MGA: variants seen among roughly 807,000 people sequenced by gnomAD.
The protein encoded by MGA is MAX dimerization protein MGA, also known as MAX gene-associated protein.
A neutral mutation model predicts 261.1 loss-of-function variants in MGA; 40 were observed. The observed-to-expected ratio is 0.15, with a 90% CI of 0.12 to 0.20. The LOEUF is 0.20. Ranked by LOEUF, MGA falls within the 10% of genes least tolerant of loss-of-function variation. The pLI is 1.00. For synonymous variants in MGA, 1,302 were observed against 1,290.6 expected, an observed-to-expected ratio of 1.01 and a Z score of -0.19; for missense variants, 3,397 against 3,630.5, an observed-to-expected ratio of 0.94 and a Z score of 1.65.
chr15:41,667,543 C>T (rs867732473), intron 1 of MGA, among the ~76,000 whole-genome samples: 3 of 151,990 alleles, frequency 2.0e-5, no homozygotes, highest in African/African-American at 2.4e-5. Context: ...ACTGCTCCCC[C>T]GCCGCTATTA....
chr15:41,657,204 G>T (rs1332883783), upstream of MGA, among the ~76,000 whole-genome samples: 1 of 152,044 alleles, frequency 6.6e-6, no homozygotes, highest in Non-Finnish European at 1.5e-5. Context: ...AGATATTGGT[G>T]GCAATCATAC....
intron 18 of MGA, among the ~76,000 whole-genome samples, chr15:41,755,531 A>T (rs1443131337): frequency 6.6e-6 from 1 of 152,254 alleles, no homozygotes; most frequent in Non-Finnish European, 1.5e-5. Flanking sequence ...TATTTGCAAT[A>T]GTAACAGGAA....
At chr15:41,680,091 A>G (rs1177478892) in intron 2 of MGA, among the ~76,000 whole-genome samples, 1 of 152,152 alleles carries the variant, frequency 6.6e-6, no homozygotes, top group Non-Finnish European at 1.5e-5. Flanking sequence ...CCCAAATCAC[A>G]TTGTTTTAAT....
intron 17 of MGA, 114 bp downstream of exon 17, chr15:41,750,729 G>A: frequency 1.0e-6 from 1 of 977,222 alleles, no homozygotes; most frequent in East Asian, 2.6e-5. Flanking sequence ...GGATGCCTAG[G>A]TTTAAGATTA....
Position 41,766,005 on chromosome 15 carries a change from A to C in MGA, c.7923A>C (p.Glu2641Asp), listed in dbSNP as rs770611287. 1 of 1,595,792 alleles carries C rather than the reference A, an allele frequency of 6.3e-7. No individual in the cohort carries two copies. The highest frequency in any genetic ancestry group is 8.5e-7 in the Non-Finnish European group (1 of 1,172,216). ...CTTTTTTTAATTTTTGTTTTTCAGA[A>C]AATGACGACTTATTTATGATGCCAC... Residue 2641 changes from glutamate (E) to aspartate (D), a missense_variant and splice_region_variant, in exon 24 of 24, where the codon GAA (glutamate) becomes GAC (aspartate). This residue lies in a region of MGA where 647 missense variants were observed against 642.4 expected (regional missense o/e 1.01). Coordinates refer to ENST00000219905, the MANE Select transcript of MGA (RefSeq NM_001164273.2).
chr15:41,648,828 A>G (rs989208098), intron 1 of MGA, among the ~76,000 whole-genome samples: 2 of 152,252 alleles, frequency 1.3e-5, no homozygotes, highest in Middle Eastern at 3.4e-3. Flanking sequence ...AATGGCAGAA[A>G]TGGCATGAAC....
At chr15:41,672,775 A>C (rs1437949110) in intron 2 of MGA, among the ~76,000 whole-genome samples, 7 of 152,180 alleles carry the variant, frequency 4.6e-5, no homozygotes, top group Admixed American at 4.6e-4. Context: ...AGATGCTTGT[A>C]AAGCGTAAAA....
At chr15:41,708,005 GATT>G in intron 6 of MGA, 96 bp from the exon 7 acceptor site, 1 of 1,358,704 alleles carries the variant, frequency 7.4e-7, no homozygotes, top group Non-Finnish European at 1.0e-6. Flanking sequence ...TTTGATAAGT[GATT>G]TATACACTTA....
intron 5 of MGA, among the ~76,000 whole-genome samples, chr15:41,705,411 G>A (rs1276784013): frequency 6.6e-6 from 1 of 151,984 alleles, no homozygotes; most frequent in East Asian, 1.9e-4. Flanking sequence ...AGGCTGGATG[G>A]AATGCAGTGG....
intron 16 of MGA, 61 bp from the exon 17 acceptor site, chr15:41,749,050 A>G: frequency 1.3e-6 from 2 of 1,553,890 alleles, no homozygotes; most frequent in South Asian, 2.5e-5. Flanking sequence ...AAAAGCAAAC[A>G]TTGGAAGTCT....
At chr15:41,709,730 T>G (rs2060294420) in intron 7 of MGA, among the ~76,000 whole-genome samples, 2 of 151,620 alleles carry the variant, frequency 1.3e-5, no homozygotes, top group Non-Finnish European at 2.9e-5. Flanking sequence ...ACCCCCGTGC[T>G]CAGTCTCACT....
chr15:41,672,398 G>A (rs1015443498), intron 2 of MGA, among the ~76,000 whole-genome samples: 1 of 152,178 alleles, frequency 6.6e-6, no homozygotes, highest in African/African-American at 2.4e-5. Flanking sequence ...GAAGCGATCT[G>A]TCAGCCTTGG....
At chr15:41,630,275 A>G (rs1233671071) in intron 1 of MGA, among the ~76,000 whole-genome samples, 1 of 152,088 alleles carries the variant, frequency 6.6e-6, no homozygotes, top group African/African-American at 2.4e-5. Context: ...CCCAATTTCG[A>G]CGGATAAAAT....
chr15:41,641,413 T>G (rs983142531), intron 1 of MGA, among the ~76,000 whole-genome samples: 1 of 152,086 alleles, frequency 6.6e-6, no homozygotes, highest in African/African-American at 2.4e-5. Context: ...CTGCCAGTGT[T>G]CTCCAGAGTA....
Position 41,760,076 on chromosome 15 carries a change from A to T in MGA, c.7192-247A>T, listed in dbSNP as rs2063367303. On this transcript the variant is annotated intron_variant, in intron 19 of 23. Coordinates refer to ENST00000219905, the MANE Select transcript of MGA (RefSeq NM_001164273.2). ...ATATACAATTTCTTCCTCATTTGAAAATCACTGAAATTTGAACTGAGAGCT... is the reference window on the plus strand; with the variant it reads ...ATATACAATTTCTTCCTCATTTGAATATCACTGAAATTTGAACTGAGAGCT... The T allele has an allele frequency of 9.0e-6, 4 of 443,608 alleles. No individual in the cohort carries two copies. The South Asian group carries it at 1.3e-4, about 14-fold the overall frequency. The allele number at this position is 443,608 out of a possible 1,614,324, so 27.5% of individuals were successfully genotyped here. A position where few individuals can be genotyped will look rare whatever the true frequency, so the allele number is the denominator to read the frequency against.
Position 41,766,312 on chromosome 15 carries a change from C to G in MGA, c.8230C>G (p.Pro2744Ala), listed in dbSNP as rs749945071. The change falls in exon 24 of 24, where the codon CCT becomes GCT. Residue 2744 changes from proline (P) to alanine (A), a missense_variant. By Grantham distance (27) the Pro-to-Ala change is conservative (BLOSUM62 -1). Around this residue, in one of 9 missense-constraint regions of MGA, gnomAD observed 647 missense variants for 642.4 expected, o/e 1.01. Coordinates refer to ENST00000219905, the MANE Select transcript of MGA (RefSeq NM_001164273.2). ...TATGCAGAAAGCACAAGAGTTCTTA[C>G]CTAAAAAGATTTCTGGTGATATGAG... 1 of 1,613,606 alleles carries G rather than the reference C, an allele frequency of 6.2e-7. No individual in the cohort carries two copies. The highest frequency in any genetic ancestry group is 8.5e-7 in the Non-Finnish European group (1 of 1,179,826).
At chr15:41,765,878 G>C (rs2063772304) in intron 23 of MGA, 126 bp from the exon 24 acceptor site, 3 of 708,672 alleles carry the variant, frequency 4.2e-6, no homozygotes, top group Non-Finnish European at 6.6e-6. Flanking sequence ...TCATCTTTTT[G>C]ATAAAAGTAG....
chr15:41,758,259 T>C (rs1037568780), intron 19 of MGA, among the ~76,000 whole-genome samples: 11 of 152,150 alleles, frequency 7.2e-5, no homozygotes, highest in Non-Finnish European at 1.6e-4. Flanking sequence ...CTTAATCTTT[T>C]TGGTTTATAT....
At chr15:41,647,234 T>C (rs568586464) in intron 1 of MGA, among the ~76,000 whole-genome samples, 1 of 152,362 alleles carries the variant, frequency 6.6e-6, no homozygotes, top group African/African-American at 2.4e-5. Flanking sequence ...ACAGGACATC[T>C]GCCTGCAAGC....
Sources: gnomAD v4.1 joint callset for allele counts (sites outside exome capture counted in the v4.1 genomes callset) on GRCh38, gnomAD v4.1.1 for gene constraint, gnomAD v4.1.1 regional missense constraint, MANE v1.5 for transcripts, NCBI Gene and HGNC (gene_info 2026-07-23, HGNC 2026-07-21) for gene names.